Variants in RALYL observed in about 807,000 individuals in gnomAD.
RALYL encodes the protein RALY RNA binding protein like.
RALYL carries 29 observed loss-of-function variants against 35.1 expected under a neutral mutation model. The ratio of observed to expected loss-of-function variants is 0.83; its 90% CI spans 0.61 to 1.13. RALYL has a LOEUF of 1.13. RALYL is among the 50% of genes most tolerant of loss of function. The probability of loss-of-function intolerance (pLI) is 0.00; values close to 1 mark genes in which losing one functional copy is unlikely to be tolerated. For synonymous variants in RALYL, 120 were observed against 127.6 expected, an observed-to-expected ratio of 0.94 and a Z score of 0.40; for missense variants, 359 against 360.4, an observed-to-expected ratio of 1.00 and a Z score of 0.03.
chr8:84,483,634 G>A (rs938556933), intron 1 of RALYL, among the ~76,000 whole-genome samples: 9 of 152,174 alleles, frequency 5.9e-5, no homozygotes, highest in South Asian at 4.1e-4. Context: ...CTCAAAAGGT[G>A]GAAAATGTAA....
At chr8:84,657,309 T>C (rs1830129258) in intron 2 of RALYL, among the ~76,000 whole-genome samples, 1 of 152,190 alleles carries the variant, frequency 6.6e-6, no homozygotes, top group South Asian at 2.1e-4. Flanking sequence ...AAATTAGTTT[T>C]CTTTTACTAA....
At chr8:84,640,550 C>T (rs1277498838) in intron 2 of RALYL, among the ~76,000 whole-genome samples, 1 of 151,842 alleles carries the variant, frequency 6.6e-6, no homozygotes, top group Non-Finnish European at 1.5e-5. Flanking sequence ...TTAGACATAT[C>T]AAGAAAAGCC....
chr8:84,521,933 TAAGATATC>T (rs1206619043), intron 1 of RALYL, among the ~76,000 whole-genome samples: 1 of 152,166 alleles, frequency 6.6e-6, no homozygotes, highest in Non-Finnish European at 1.5e-5. Context: ...TCTCTCCTAT[TAAGATATC>T]TTAGCTAACA....
intron 2 of RALYL, among the ~76,000 whole-genome samples, chr8:84,766,375 T>G (rs1337843216): frequency 2.0e-5 from 3 of 151,810 alleles, no homozygotes; most frequent in African/African-American, 7.3e-5. Context: ...AGTTTTACTG[T>G]GATAAATTTG....
intron 2 of RALYL, among the ~76,000 whole-genome samples, chr8:84,757,556 G>A (rs895927275): frequency 6.6e-6 from 1 of 152,132 alleles, no homozygotes; most frequent in Non-Finnish European, 1.5e-5. Context: ...CGAATATGAT[G>A]TACTAACACT....
intron 5 of RALYL, among the ~76,000 whole-genome samples, chr8:84,856,751 G>A (rs1294589046): frequency 1.3e-5 from 2 of 152,142 alleles, no homozygotes; most frequent in African/African-American, 4.8e-5. Flanking sequence ...TTTGTGGGCC[G>A]GGCGCGGTGG....
At chr8:84,504,939 C>T (rs7822198) in intron 1 of RALYL, among the ~76,000 whole-genome samples, 54,436 of 151,900 alleles carry the variant, frequency 0.36, 9,962 homozygotes, top group South Asian at 0.51. Flanking sequence ...CGCCCGCACC[C>T]CTATTTTTCT....
chr8:84,695,666 G>C (rs1167297631), intron 2 of RALYL, among the ~76,000 whole-genome samples: 2 of 151,760 alleles, frequency 1.3e-5, no homozygotes, highest in Non-Finnish European at 2.9e-5. Context: ...AAGTAATGAG[G>C]TATAGAATTC....
intron 4 of RALYL, among the ~76,000 whole-genome samples, chr8:84,846,124 T>A (rs193035066): frequency 6.7e-4 from 102 of 152,302 alleles, no homozygotes; most frequent in Non-Finnish European, 1.3e-3. Flanking sequence ...TTCAGGCTCT[T>A]TTGTTGTTGT....
intron 1 of RALYL, among the ~76,000 whole-genome samples, chr8:84,341,377 T>C (rs1449481212): frequency 6.6e-6 from 1 of 151,954 alleles, no homozygotes; most frequent in African/African-American, 2.4e-5. Flanking sequence ...AAATTCTAGT[T>C]CTTTGAATCT....
At chr8:84,831,429 T>C (rs920487623) in intron 4 of RALYL, among the ~76,000 whole-genome samples, 1 of 152,034 alleles carries the variant, frequency 6.6e-6, no homozygotes, top group Admixed American at 6.6e-5. Flanking sequence ...AAAATTATGA[T>C]GTATCATGTA....
intron 1 of RALYL, among the ~76,000 whole-genome samples, chr8:84,241,985 C>T (rs190773318): frequency 2.6e-5 from 4 of 152,166 alleles, no homozygotes; most frequent in Non-Finnish European, 4.4e-5. Flanking sequence ...GGTTATTCTT[C>T]CTGATGCCCT....
At chr8:84,669,485 C>G (rs1379188315) in intron 2 of RALYL, among the ~76,000 whole-genome samples, 1 of 23,494 alleles carries the variant, frequency 4.3e-5, no homozygotes, top group African/African-American at 1.9e-4. Flanking sequence ...CTCCCTCCCC[C>G]CTCCCCCCCC....
chr8:84,755,284 A>G lies in RALYL; in HGVS notation c.257-19295A>G, dbSNP rs537068235. Among the ~76,000 whole-genome samples the G allele has an allele frequency of 3.3e-5, 5 of 152,318 alleles. No individual in the cohort carries two copies. In the East Asian group the frequency reaches 5.8e-4, roughly 18 times the overall value. Reference sequence around the variant, plus strand: ...ACAAACCAAATAGCAGTCTTTTTGTATATACATGGTAGGAAAATTGTTGTT... The same window carrying G: ...ACAAACCAAATAGCAGTCTTTTTGTGTATACATGGTAGGAAAATTGTTGTT... On this transcript the variant is annotated intron_variant, in intron 2 of 8. Coordinates refer to ENST00000521268, the MANE Select transcript of RALYL (RefSeq NM_173848.7).
At chr8:84,275,938 C>G (rs1835285196) in intron 1 of RALYL, among the ~76,000 whole-genome samples, 1 of 151,942 alleles carries the variant, frequency 6.6e-6, no homozygotes, top group Non-Finnish European at 1.5e-5. Flanking sequence ...ATTAAATTTA[C>G]TTTGGCAAAC....
chr8:84,916,394 C>A (rs1185059416), intron 8 of RALYL, among the ~76,000 whole-genome samples: 1 of 151,620 alleles, frequency 6.6e-6, no homozygotes, highest in Admixed American at 6.6e-5. Context: ...TGTCCCCACC[C>A]AAATCTCATC....
intron 5 of RALYL, among the ~76,000 whole-genome samples, chr8:84,857,944 CTTTGT>C (rs1441439894): frequency 2.0e-5 from 3 of 151,832 alleles, no homozygotes; most frequent in Admixed American, 2.0e-4. Flanking sequence ...ATAATGTTTG[CTTTGT>C]TAATATGCCT....
intron 2 of RALYL, among the ~76,000 whole-genome samples, chr8:84,542,683 T>C (rs2060099642): frequency 6.6e-6 from 1 of 152,164 alleles, no homozygotes; most frequent in Non-Finnish European, 1.5e-5. Context: ...CCTGAGGAAC[T>C]GTGAATGAAT....
At chr8:84,735,788 A>G (rs991642319) in intron 2 of RALYL, among the ~76,000 whole-genome samples, 1 of 148,488 alleles carries the variant, frequency 6.7e-6, no homozygotes, top group East Asian at 2.0e-4. Context: ...AACATGCCCC[A>G]TTCCTTAAGA....
Sources: gnomAD v4.1 joint callset for allele counts (sites outside exome capture counted in the v4.1 genomes callset) on GRCh38, gnomAD v4.1.1 for gene constraint, MANE v1.5 for transcripts, NCBI Gene and HGNC (gene_info 2026-07-23, HGNC 2026-07-21) for gene names.